The following ATRX variants were observed in gnomAD, a reference collection of about 807,000 sequenced individuals.
ATRX encodes chromatin remodeler ATRX.
ATRX carries 12 observed loss-of-function variants against 172.6 expected under a neutral mutation model. The observed-to-expected ratio is 0.07, with a 90% CI of 0.04 to 0.11. The LOEUF is 0.11. Among genes scored for constraint, ATRX ranks in the 10% least tolerant of loss-of-function variants. ATRX has a pLI of 1.00. For missense variants in ATRX, 1,368 were observed against 1,767.4 expected (o/e 0.77, Z 4.05); for synonymous variants, 674 against 594.7 (o/e 1.13, Z -1.94).
chrX:77,657,787 T>C (rs1023278288), intron 12 of ATRX, among the ~76,000 whole-genome samples: 1 of 112,082 alleles, frequency 8.9e-6, no homozygotes, highest in Non-Finnish European at 1.9e-5. Flanking sequence ...GATATATGCA[T>C]GGTCACAAAG....
chrX:77,615,996 A>T (rs2067341841), intron 22 of ATRX: 1 of 751,975 alleles, frequency 1.3e-6, no homozygotes, highest in South Asian at 6.8e-5. Context: ...AGACATCTTC[A>T]GGCACAGAGA....
chrX:77,511,914 GACA>G (rs1382007555), intron 34 of ATRX, among the ~76,000 whole-genome samples: 2 of 111,385 alleles, frequency 1.8e-5, no homozygotes, highest in African/African-American at 3.3e-5. Flanking sequence ...TATTCAAAGG[GACA>G]ACAACAGAGA....
intron 1 of ATRX, among the ~76,000 whole-genome samples, chrX:77,759,525 C>T (rs1432034827): frequency 9.1e-6 from 1 of 110,071 alleles, no homozygotes; most frequent in Non-Finnish European, 1.9e-5. Flanking sequence ...ACCAGCCTGG[C>T]CAACACAGAG....
rs782798399 is a variant in ATRX at position 77,558,708 on chromosome X, T to C, written c.6465A>G (p.Gly2155=). The C allele has an allele frequency of 2.5e-6, 3 of 1,206,467 alleles. No individual in the cohort carries two copies. The South Asian group carries it at 5.3e-5, about 21-fold the overall frequency. The change falls in exon 29 of 35, where the codon GGA becomes GGG. Residue 2155 remains glycine (G), a synonymous_variant. Transcript: ENST00000373344. ...IQSIFRVYRF[G]QTKPVYVYRF... is the part of the protein sequence containing the mutation. The stretch of plus-strand genomic sequence containing the variant: ...TATATACATAAACAGGCTTAGTTTG[T>C]CCAAAGCGATAAACTCTGAATATAC...
intron 34 of ATRX, among the ~76,000 whole-genome samples, chrX:77,510,185 T>C (rs2147663986): frequency 9.0e-6 from 1 of 111,579 alleles, no homozygotes; most frequent in South Asian, 3.8e-4. Context: ...AGACATAACC[T>C]GGGCCAGAGG....
At chrX:77,721,773 T>A (rs1557169195) in intron 1 of ATRX, among the ~76,000 whole-genome samples, 2 of 111,095 alleles carry the variant, frequency 1.8e-5, no homozygotes, top group African/African-American at 6.6e-5. Flanking sequence ...TTCAATGCTA[T>A]CCCCATCAAG....
At chrX:77,778,969 C>A (rs1006005411) in intron 1 of ATRX, among the ~76,000 whole-genome samples, 2 of 107,768 alleles carry the variant, frequency 1.9e-5, no homozygotes, top group African/African-American at 6.8e-5. Flanking sequence ...GCTCTGTTGC[C>A]CAGACTAGAG....
chrX:77,517,771 C>T (rs1233993088), intron 34 of ATRX, among the ~76,000 whole-genome samples: 3 of 111,666 alleles, frequency 2.7e-5, no homozygotes, highest in African/African-American at 9.8e-5. Context: ...AAATTCTCAA[C>T]AAAATAATAG....
chrX:77,633,150 A>G, intron 19 of ATRX, 57 bp downstream of exon 19: 1 of 1,092,754 alleles, frequency 9.2e-7, no homozygotes, highest in Non-Finnish European at 1.3e-6. Flanking sequence ...TTGTTAAAAT[A>G]TAAACACATT....
chrX:77,759,251 A>C (rs2075626800), intron 1 of ATRX, among the ~76,000 whole-genome samples: 1 of 111,681 alleles, frequency 9.0e-6, no homozygotes, highest in Non-Finnish European at 1.9e-5. Context: ...CTGCCAGTGG[A>C]AGTATAAATC....
At chrX:77,743,469 T>C (rs1224274729) in intron 1 of ATRX, among the ~76,000 whole-genome samples, 1 of 110,856 alleles carries the variant, frequency 9.0e-6, no homozygotes, top group Non-Finnish European at 1.9e-5. Flanking sequence ...TGAGAAACAG[T>C]GCAGGATCCA....
rs2148438344 is a variant in ATRX, at chrX:77,652,259, T to C, written c.4412A>G (p.Lys1471Arg). The C allele has an allele frequency of 1.7e-6, 2 of 1,210,383 alleles. No homozygotes were observed. The highest frequency in any genetic ancestry group is 4.4e-5 in the Admixed American group (2 of 45,957). Reference protein sequence around the residue: ...EEEEDENDDSKSPGKGRKKIR... With the variant: ...EEEEDENDDSRSPGKGRKKIR... The stretch of plus-strand genomic sequence containing the variant: ...TTTCTTTCTGCCTTTTCCAGGAGAC[T>C]TGGAATCATCATTTTCATCTTCCTC... Residue 1471 changes from lysine to arginine, a missense_variant, in exon 15 of 35, where the codon AAG becomes AGG. Around this residue, in one of 17 missense-constraint regions of ATRX, gnomAD observed 27 missense variants for 110.8 expected, o/e 0.24. Coordinates refer to ENST00000373344, the MANE Select transcript of ATRX (RefSeq NM_000489.6).
intron 1 of ATRX, among the ~76,000 whole-genome samples, chrX:77,736,757 T>C (rs782359064): frequency 8.0e-5 from 9 of 112,304 alleles, no homozygotes; most frequent in South Asian, 3.7e-4. Flanking sequence ...ATCAAAGGGA[T>C]ACCTGCATTC....
chrX:77,653,790 T>G (rs1233944197), intron 14 of ATRX, among the ~76,000 whole-genome samples: 7 of 111,816 alleles, frequency 6.3e-5, no homozygotes, highest in Non-Finnish European at 3.8e-5. Context: ...AATTTATTCA[T>G]ATATGAGTCA....
rs369214384 is a variant in ATRX, at chrX:77,616,636, T to C, written c.5543A>G (p.Gln1848Arg). The change falls in exon 22 of 35, where the codon CAG becomes CGG. Residue 1848 changes from glutamine to arginine, a missense_variant. Gln to Arg is a conservative substitution (Grantham distance 43, BLOSUM62 1). Around this residue, in one of 17 missense-constraint regions of ATRX, gnomAD observed 12 missense variants for 16.0 expected, o/e 0.75. Coordinates refer to ENST00000373344, the MANE Select transcript of ATRX (RefSeq NM_000489.6). Reference protein sequence around the residue: ...RMTSIQCKLYQYYLDHLTGVG... With the variant: ...RMTSIQCKLYRYYLDHLTGVG... The stretch of plus-strand genomic sequence containing the variant: ...ACCTGTTAAGTGATCTAAGTAGTAC[T>C]GATAGAGCTTGCACTGAATAGAAGT... 8.3e-6 allele frequency: 10 copies of C among 1,199,242 alleles called. No individual in the cohort carries two copies. Among genetic ancestry groups the C allele is most frequent in the Non-Finnish European group, 1.1e-5 (10 of 884,166 alleles).
intron 1 of ATRX, among the ~76,000 whole-genome samples, chrX:77,731,600 CT>C (rs1296493209): frequency 9.0e-6 from 1 of 111,391 alleles, no homozygotes; most frequent in Non-Finnish European, 1.9e-5. Context: ...AGAATGTTGC[CT>C]TTTCCAAAAC....
chrX:77,601,479 TAAA>T (rs577604717), intron 22 of ATRX, among the ~76,000 whole-genome samples: 1 of 89,794 alleles, frequency 1.1e-5, no homozygotes. Flanking sequence ...CCTTGTCTCT[TAAA>T]AAAAAAAAAA....
intron 6 of ATRX, 34 bp from the exon 7 acceptor site, chrX:77,688,961 T>C (rs2071734072): frequency 9.5e-7 from 1 of 1,051,543 alleles, no homozygotes; most frequent in Non-Finnish European, 1.3e-6. Flanking sequence ...TTCACACATT[T>C]ATACACAGAA....
chrX:77,607,442 G>A (rs1277741047), intron 22 of ATRX, among the ~76,000 whole-genome samples: 1 of 111,444 alleles, frequency 9.0e-6, no homozygotes, highest in African/African-American at 3.3e-5. Context: ...GGCAGGGCAC[G>A]GTGGCTCATG....
Sources: allele counts gnomAD v4.1 joint callset (sites outside exome capture counted in the v4.1 genomes callset), GRCh38; gene constraint gnomAD v4.1.1; regional missense constraint gnomAD v4.1.1; transcripts MANE v1.5; gene names NCBI Gene and HGNC (gene_info 2026-07-23, HGNC 2026-07-21).